Variants in INPP5A observed in about 807,000 individuals in gnomAD.
INPP5A encodes the protein 43 kDa inositol polyphosphate 5-phophatase.
INPP5A carries 14 observed loss-of-function variants against 65.2 expected under a neutral mutation model. The observed-to-expected ratio is 0.21, with a 90% CI of 0.14 to 0.34. INPP5A has a LOEUF of 0.34. Among genes scored for constraint, INPP5A ranks in the 10% least tolerant of loss-of-function variants. INPP5A has a pLI of 1.00. For synonymous variants in INPP5A, 207 were observed against 208.3 expected, an observed-to-expected ratio of 0.99 and a Z score of 0.05; for missense variants, 431 against 545.6, an observed-to-expected ratio of 0.79 and a Z score of 2.09.
rs931537788 is a variant in INPP5A at position 132,546,897 on chromosome 10, ACT to A, written c.75+8729_75+8730del. ...CAGGACTGCACTCTGGCAGGGGCAG[ACT>A]CTGTTTCCTGCTCAGCAGAGCCCAG... On this transcript the variant is annotated intron_variant, in intron 1 of 15. Transcript: ENST00000368594. The surrounding 1 kb of genome is among the most constrained non-coding windows in gnomAD (Gnocchi z 5.7). Among the ~76,000 whole-genome samples, 16 of 151,330 alleles carry A rather than the reference ACT, an allele frequency of 1.1e-4. No homozygotes were observed. Among genetic ancestry groups the A allele is most frequent in the African/African-American group, 3.7e-4 (15 of 41,080 alleles).
intron 1 of INPP5A, among the ~76,000 whole-genome samples, chr10:132,542,910 C>T (rs567330548): frequency 2.6e-5 from 4 of 152,314 alleles, no homozygotes; most frequent in Admixed American, 1.3e-4. Context: ...TGAAGCCATC[C>T]TCCTGCCTCA....
rs905933221 is a variant in INPP5A, at chr10:132,741,915, G to A, written c.733-7602G>A. ...AATGGCTTCTTTCCGAGATGTGGCC[G>A]TCCTCTGCAGAAAGGATGCATACTT... On this transcript the variant is annotated intron_variant, in intron 9 of 15. Transcript: ENST00000368594. This position sits in a 1 kb window ranked among gnomAD's most constrained non-coding sequence, Gnocchi z 4.4. 1.2e-4 allele frequency among the ~76,000 whole-genome samples: 19 copies of A among 152,172 alleles called. No individual in the cohort carries two copies. Among genetic ancestry groups the A allele is most frequent in the Non-Finnish European group, 2.2e-4 (15 of 68,044 alleles).
Position 132,598,202 on chromosome 10 carries a change from C to T in INPP5A, c.76-9713C>T, listed in dbSNP as rs142379745. Reference sequence around the variant, plus strand: ...GTGTGTGGCTCGGCTGCTTGAGTGGCGCTGTGGCGATGGAGATTACCTCCA... The same window carrying T: ...GTGTGTGGCTCGGCTGCTTGAGTGGTGCTGTGGCGATGGAGATTACCTCCA... On this transcript the variant is annotated intron_variant, in intron 1 of 15. Transcript: ENST00000368594. Among the ~76,000 whole-genome samples, 100 of 152,258 alleles carry T rather than the reference C, an allele frequency of 6.6e-4. 4 individuals carry two copies. The highest frequency in any genetic ancestry group is 2.0e-3 in the African/African-American group (84 of 41,538).
intron 4 of INPP5A, among the ~76,000 whole-genome samples, chr10:132,683,365 T>G (rs2073076474): frequency 6.6e-6 from 1 of 152,202 alleles, no homozygotes; most frequent in Non-Finnish European, 1.5e-5. Context: ...TATATACATA[T>G]GCACACACGT....
chr10:132,780,955 C>T, intron 14 of INPP5A, 38 bp downstream of exon 14: 2 of 1,525,252 alleles, frequency 1.3e-6, no homozygotes, highest in Non-Finnish European at 1.8e-6. Context: ...GGCTGGGGGA[C>T]CAAGGGGAAG....
intron 1 of INPP5A, among the ~76,000 whole-genome samples, chr10:132,600,216 C>G (rs1330917519): frequency 2.0e-5 from 3 of 152,196 alleles, no homozygotes; most frequent in African/African-American, 7.2e-5. Flanking sequence ...CCTTAGAAAA[C>G]TGAATGCCTT....
chr10:132,641,221 T>C (rs1039194041), intron 2 of INPP5A, among the ~76,000 whole-genome samples: 12 of 152,254 alleles, frequency 7.9e-5, no homozygotes, highest in African/African-American at 2.9e-4. Flanking sequence ...GATAACACGT[T>C]GCTCCATTCC....
intron 1 of INPP5A, among the ~76,000 whole-genome samples, chr10:132,579,350 A>C (rs997659668): frequency 4.6e-5 from 7 of 152,008 alleles, no homozygotes; most frequent in African/African-American, 1.5e-4. Context: ...AAGTGAGGGC[A>C]TGAACTCCGT....
At chr10:132,691,757 G>A (rs1845267249) in intron 5 of INPP5A, among the ~76,000 whole-genome samples, 1 of 152,236 alleles carries the variant, frequency 6.6e-6, no homozygotes, top group African/African-American at 2.4e-5. Flanking sequence ...CGTCAGGAAG[G>A]CATGCAGACA....
chr10:132,657,634 C>CCCT (rs1310493325), intron 4 of INPP5A, among the ~76,000 whole-genome samples: 1 of 152,238 alleles, frequency 6.6e-6, no homozygotes, highest in Non-Finnish European at 1.5e-5. Context: ...CTTCTGCTTT[C>CCCT]CCTCCTCCTC....
chr10:132,711,540 C>T (rs1222325078), intron 8 of INPP5A, among the ~76,000 whole-genome samples: 1 of 152,162 alleles, frequency 6.6e-6, no homozygotes, highest in African/African-American at 2.4e-5. Context: ...CACCTGAACC[C>T]CATTCTGCTC....
intron 2 of INPP5A, among the ~76,000 whole-genome samples, chr10:132,612,065 G>A (rs1210432501): frequency 6.8e-6 from 1 of 148,046 alleles, no homozygotes; most frequent in Middle Eastern, 3.4e-3. Flanking sequence ...GGTGGGCAGG[G>A]GAGAGGCCCT....
chr10:132,717,847 G>A (rs1347519804), intron 8 of INPP5A, among the ~76,000 whole-genome samples: 3 of 144,690 alleles, frequency 2.1e-5, no homozygotes, highest in African/African-American at 8.4e-5. Context: ...GCTGTCTTGC[G>A]GGTTCTGTGG....
At chr10:132,738,898 G>A (rs1590971763) in intron 9 of INPP5A, among the ~76,000 whole-genome samples, 3 of 152,210 alleles carry the variant, frequency 2.0e-5, no homozygotes, top group Non-Finnish European at 4.4e-5. Flanking sequence ...CCTGGGGCTC[G>A]CGGTGAGGTC....
chr10:132,771,752 A>C (rs61860778), intron 12 of INPP5A, among the ~76,000 whole-genome samples: 44 of 41,056 alleles, frequency 1.1e-3, no homozygotes, highest in South Asian at 2.3e-3. Context: ...CACAGAGGCC[A>C]CAGCAGCCAC....
At chr10:132,711,647 C>T (rs1411651712) in intron 8 of INPP5A, among the ~76,000 whole-genome samples, 1 of 152,250 alleles carries the variant, frequency 6.6e-6, no homozygotes, top group Non-Finnish European at 1.5e-5. Context: ...TGGAGCTGCC[C>T]TGCGCCTCGC....
chr10:132,563,606 T>C (rs914360287), intron 1 of INPP5A, among the ~76,000 whole-genome samples: 3 of 151,782 alleles, frequency 2.0e-5, no homozygotes, highest in African/African-American at 7.3e-5. Context: ...ATCAAAAGGG[T>C]TCCTCTCTCA....
rs1318888542 is a variant in INPP5A, at chr10:132,545,305, G to T, written c.75+7134G>T. Among the ~76,000 whole-genome samples the T allele has an allele frequency of 6.6e-6, 1 of 152,154 alleles. No homozygotes were observed. The highest frequency in any genetic ancestry group is 1.5e-5 in the Non-Finnish European group (1 of 68,032). ...GCCCCACCGTGAAGCATCAAATTTA[G>T]AGCCCCTCTGTCCAGGGGCTAGAGG... On this transcript the variant is annotated intron_variant, in intron 1 of 15. Coordinates refer to ENST00000368594, the MANE Select transcript of INPP5A (RefSeq NM_005539.5). The surrounding 1 kb of genome is among the most constrained non-coding windows in gnomAD (Gnocchi z 4.6).
chr10:132,721,907 AG>A (rs1205435954), intron 8 of INPP5A, among the ~76,000 whole-genome samples: 21 of 152,206 alleles, frequency 1.4e-4, no homozygotes, highest in Non-Finnish European at 1.5e-5. Flanking sequence ...TAGAGCTCAC[AG>A]TGGGTGGAGT....
Sources: gnomAD v4.1 joint callset for allele counts (sites outside exome capture counted in the v4.1 genomes callset) on GRCh38, gnomAD v4.1.1 for gene constraint, Gnocchi (gnomAD v3.1) non-coding constraint, MANE v1.5 for transcripts, NCBI Gene and HGNC (gene_info 2026-07-23, HGNC 2026-07-21) for gene names.